The following CTHRC1 variants were observed in gnomAD, a reference collection of about 807,000 sequenced individuals.
The protein encoded by CTHRC1 is collagen triple helix repeat-containing protein 1.
In CTHRC1, 21 loss-of-function variants were observed where a neutral mutation model predicts 25.9. The ratio of observed to expected loss-of-function variants is 0.81; its 90% CI spans 0.57 to 1.17. CTHRC1 has a LOEUF of 1.17. CTHRC1 is among the 50% of genes most tolerant of loss of function. CTHRC1 has a pLI of 0.00. For synonymous variants in CTHRC1, 109 were observed against 113.1 expected, an observed-to-expected ratio of 0.96 and a Z score of 0.23; for missense variants, 281 against 304.3, an observed-to-expected ratio of 0.92 and a Z score of 0.57.
intron 3 of CTHRC1, among the ~76,000 whole-genome samples, chr8:103,380,178 A>C (rs1302590414): frequency 2.6e-5 from 4 of 152,234 alleles, no homozygotes; most frequent in African/African-American, 9.6e-5. Context: ...TCGTTGATAT[A>C]AGCAACTTAC....
At chr8:103,378,337 A>C (rs1815846471) in intron 3 of CTHRC1, 94 bp downstream of exon 3, 2 of 994,638 alleles carry the variant, frequency 2.0e-6, no homozygotes, top group African/African-American at 3.2e-5. Flanking sequence ...GCCTACTGTA[A>C]AGGGACCTCT....
At chr8:103,379,664 T>C (rs1223965873) in intron 3 of CTHRC1, among the ~76,000 whole-genome samples, 1 of 152,178 alleles carries the variant, frequency 6.6e-6, no homozygotes, top group East Asian at 1.9e-4. Flanking sequence ...GTTAGCATCA[T>C]TTCCTTGATT....
chr8:103,374,685 T>C (rs1432266014), intron 1 of CTHRC1, among the ~76,000 whole-genome samples: 1 of 152,244 alleles, frequency 6.6e-6, no homozygotes, highest in African/African-American at 2.4e-5. Context: ...GCACTGGTCC[T>C]GGGGAACATA....
chr8:103,382,965 G>A lies in CTHRC1; in HGVS notation c.*365G>A, dbSNP rs1815940798. ...AATGTTAAGAATTTTTTTTATATCT[G>A]TTAAATAAAAATTATTTCCAACAAC... is the stretch of plus-strand genomic sequence containing the variant. On this transcript the variant is annotated 3_prime_UTR_variant, in exon 4 of 4. Coordinates refer to ENST00000330295, the MANE Select transcript of CTHRC1 (RefSeq NM_138455.4). 5.7e-6 allele frequency: 1 copy of A among 174,308 alleles called. No individual in the cohort carries two copies. The highest frequency in any genetic ancestry group is 1.2e-5 in the Non-Finnish European group (1 of 81,528). 10.8% of individuals were successfully genotyped at this position (174,308 alleles called of 1,614,324 possible).
chr8:103,373,791 G>A (rs2575694), intron 1 of CTHRC1, among the ~76,000 whole-genome samples: 74,195 of 149,512 alleles, frequency 0.5, 19,160 homozygotes, highest in East Asian at 0.63. Context: ...ATTGTCCCCA[G>A]TTGAGATCCA....
At chr8:103,381,296 C>G (rs1815906215) in intron 3 of CTHRC1, among the ~76,000 whole-genome samples, 1 of 147,158 alleles carries the variant, frequency 6.8e-6, no homozygotes, top group Non-Finnish European at 1.5e-5. Context: ...CGCCCTGTGT[C>G]CAAGTGTTCT....
At chr8:103,376,060 TAAAAAA>T (rs1815800361) in intron 2 of CTHRC1, 101 bp downstream of exon 2, 5 of 909,144 alleles carry the variant, frequency 5.5e-6, no homozygotes, top group South Asian at 2.9e-5. Context: ...CTAAAAGACT[TAAAAAA>T]GAGAAGTAGG....
At chr8:103,372,681 C>A in intron 1 of CTHRC1, 4 of 1,591,504 alleles carry the variant, frequency 2.5e-6, no homozygotes, top group Non-Finnish European at 3.4e-6. Context: ...TAAAATCCTT[C>A]CCTCTAAAAA....
chr8:103,382,129 A>G (rs1345813038), intron 3 of CTHRC1, among the ~76,000 whole-genome samples: 5 of 152,176 alleles, frequency 3.3e-5, no homozygotes, highest in Non-Finnish European at 5.9e-5. Context: ...AAGTATATAT[A>G]GCCTTTCTTT....
At chr8:103,375,228 C>T (rs1815783691) in intron 1 of CTHRC1, among the ~76,000 whole-genome samples, 2 of 151,816 alleles carry the variant, frequency 1.3e-5, no homozygotes, top group African/African-American at 4.8e-5. Flanking sequence ...TAATTATGTC[C>T]CTAGGAATTT....
Position 103,375,742 on chromosome 8 carries a change from A to G in CTHRC1, c.155A>G (p.Asn52Ser). The part of the protein sequence containing the change: ...LRQREVVDLY[N>S]GMCLQGPAGV... ...GCCTTTTCTTTCTCATTATAGTATA[A>G]TGGAATGTGCTTACAAGGGCCAGCA... is the stretch of plus-strand genomic sequence containing the variant. Residue 52 changes from asparagine (N) to serine (S), a missense_variant, in exon 2 of 4, where the codon AAT becomes AGT. Asn to Ser is a conservative substitution (Grantham distance 46, BLOSUM62 1). Transcript: ENST00000330295. 3 of 1,613,568 alleles carry G rather than the reference A, an allele frequency of 1.9e-6. No individual in the cohort carries two copies. Among genetic ancestry groups the G allele is most frequent in the Non-Finnish European group, 2.5e-6 (3 of 1,179,512 alleles).
chr8:103,372,702 C>T, intron 1 of CTHRC1: 1 of 1,543,322 alleles, frequency 6.5e-7, no homozygotes, highest in Non-Finnish European at 8.8e-7. Flanking sequence ...TCAACAAACC[C>T]AGTGGAGGGC....
At chr8:103,372,925 A>G (rs1815736168) in intron 1 of CTHRC1, among the ~76,000 whole-genome samples, 1 of 152,194 alleles carries the variant, frequency 6.6e-6, no homozygotes, top group Admixed American at 6.5e-5. Context: ...CCTGGCAGCT[A>G]GTTCTGTATT....
Position 103,378,162 on chromosome 8 carries a change from C to T in CTHRC1, c.508C>T (p.Leu170Phe). 2 of 1,614,130 alleles carry T rather than the reference C, an allele frequency of 1.2e-6. No individual in the cohort carries two copies. The highest frequency in any genetic ancestry group is 2.2e-5 in the South Asian group (2 of 91,082). ...CAATGGAGCTGAATGTTCAGGACCT[C>T]TTCCCATTGAAGCTATAATTTATTT... is the stretch of plus-strand genomic sequence containing the variant. ...TFNGAECSGP[L>F]PIEAIIYLDQ... The change falls in exon 3 of 4, where the codon CTT becomes TTT. Residue 170 changes from leucine (L) to phenylalanine (F), a missense_variant. Physicochemically the swap from Leu to Phe is conservative, Grantham distance 22 (BLOSUM62 0). Transcript: ENST00000330295.
intron 1 of CTHRC1, among the ~76,000 whole-genome samples, chr8:103,375,462 TATA>T (rs1293872450): frequency 6.6e-6 from 1 of 152,204 alleles, no homozygotes; most frequent in Non-Finnish European, 1.5e-5. Context: ...TGTGTATGCC[TATA>T]ATGAGCAGAA....
At chr8:103,376,101 CTAAT>C in intron 2 of CTHRC1, 142 bp downstream of exon 2, 1 of 689,480 alleles carries the variant, frequency 1.5e-6, no homozygotes, top group Non-Finnish European at 2.5e-6. Flanking sequence ...TAATTTAAAA[CTAAT>C]GAAAAAGTTT....
rs1201983743 is a variant in CTHRC1 at position 103,378,135 on chromosome 8, T to C, written c.481T>C (p.Phe161Leu). The change falls in exon 3 of 4, where the codon TTC becomes CTC. Residue 161 changes from phenylalanine to leucine, a missense_variant. By Grantham distance (22) the Phe-to-Leu change is conservative. Coordinates refer to ENST00000330295, the MANE Select transcript of CTHRC1 (RefSeq NM_138455.4). ...NACCQRWYFT[F>L]NGAECSGPLP... ...ATGCTGTCAGCGTTGGTATTTCACA[T>C]TCAATGGAGCTGAATGTTCAGGACC... The C allele has an allele frequency of 5.0e-6, 8 of 1,614,090 alleles. No homozygotes were observed. The highest frequency in any genetic ancestry group is 6.8e-6 in the Non-Finnish European group (8 of 1,180,020).
At chr8:103,371,832 AC>A in intron 1 of CTHRC1, 26 bp downstream of exon 1, 2 of 1,479,280 alleles carry the variant, frequency 1.4e-6, no homozygotes, top group South Asian at 2.7e-5. Flanking sequence ...CCGAGCCGGG[AC>A]CGCCGCGCTG....
chr8:103,378,449 C>G, intron 3 of CTHRC1, among the ~76,000 whole-genome samples: 1 of 152,208 alleles, frequency 6.6e-6, no homozygotes, highest in East Asian at 1.9e-4. Context: ...CTCTGATGAA[C>G]TAACGCAGAA....
Sources: gnomAD v4.1 joint callset for allele counts (sites outside exome capture counted in the v4.1 genomes callset) on GRCh38, gnomAD v4.1.1 for gene constraint, MANE v1.5 for transcripts, NCBI Gene and HGNC (gene_info 2026-07-23, HGNC 2026-07-21) for gene names.